TMEM164: variants seen among roughly 807,000 people sequenced by gnomAD.
TMEM164 encodes transmembrane protein 164.
Under a neutral mutation model 18.8 loss-of-function variants are expected in TMEM164, and 4 were observed. The ratio of observed to expected loss-of-function variants is 0.21; its 90% CI spans 0.10 to 0.49. The LOEUF (loss-of-function observed/expected upper bound fraction) is 0.49, where lower values mean the gene tolerates loss of function less well. TMEM164 is among the 20% of genes least tolerant of loss of function. The probability of loss-of-function intolerance (pLI) is 0.98; values close to 1 mark genes in which losing one functional copy is unlikely to be tolerated. For synonymous variants in TMEM164, 86 were observed against 101.7 expected (o/e 0.85, Z 0.93); for missense variants, 108 against 239.9 (o/e 0.45, Z 3.63).
At chrX:110,104,998 TCAGTCTGTC>T (rs1233294399) in intron 3 of TMEM164, among the ~76,000 whole-genome samples, 1 of 112,000 alleles carries the variant, frequency 8.9e-6, no homozygotes, top group African/African-American at 3.2e-5. Context: ...GTTCTGGCCT[TCAGTCTGTC>T]CATCTGCTTT....
At chrX:110,014,142 A>AATG (rs60030480) in intron 2 of TMEM164, among the ~76,000 whole-genome samples, 43,508 of 108,613 alleles carry the variant, frequency 0.4, 7,505 homozygotes, top group East Asian at 0.8. Context: ...AATACATTTA[A>AATG]ATGATGATGA....
intron 3 of TMEM164, among the ~76,000 whole-genome samples, chrX:110,091,085 A>AT (rs2065921192): frequency 9.0e-6 from 1 of 111,058 alleles, no homozygotes; most frequent in East Asian, 2.8e-4. Flanking sequence ...TATGTGCCAC[A>AT]TTTTCTTAAT....
intron 3 of TMEM164, among the ~76,000 whole-genome samples, chrX:110,080,709 A>G (rs1225835194): frequency 9.0e-6 from 1 of 111,342 alleles, no homozygotes; most frequent in Non-Finnish European, 1.9e-5. Context: ...CCAACTTTTT[A>G]TAATACACAA....
intron 5 of TMEM164, among the ~76,000 whole-genome samples, chrX:110,167,838 A>C (rs960553852): frequency 3.6e-5 from 4 of 111,712 alleles, no homozygotes; most frequent in Non-Finnish European, 7.5e-5. Context: ...GCAGCACAGA[A>C]TGAATGCTAC....
chrX:110,016,720 G>A (rs1933396188), intron 2 of TMEM164, among the ~76,000 whole-genome samples: 1 of 109,731 alleles, frequency 9.1e-6, no homozygotes, highest in Non-Finnish European at 1.9e-5. Context: ...GTAGTGGTAT[G>A]AATATGGCTC....
chrX:110,074,207 T>C (rs1268256968), intron 3 of TMEM164, among the ~76,000 whole-genome samples: 1 of 111,494 alleles, frequency 9.0e-6, no homozygotes, highest in African/African-American at 3.3e-5. Context: ...ATTTCTCTGT[T>C]AGTGATAAGA....
At chrX:110,020,580 G>A in intron 2 of TMEM164, 1 of 754,463 alleles carries the variant, frequency 1.3e-6, no homozygotes, top group Non-Finnish European at 1.6e-6. Flanking sequence ...TGAGATCCAG[G>A]AGAGGAAGGA....
chrX:110,037,937 G>C (rs895477465), intron 2 of TMEM164, among the ~76,000 whole-genome samples: 1 of 109,898 alleles, frequency 9.1e-6, no homozygotes, highest in African/African-American at 3.3e-5. Context: ...TTAGCACATG[G>C]ACTTAATCAT....
intron 2 of TMEM164, among the ~76,000 whole-genome samples, chrX:110,048,060 C>A (rs1391214562): frequency 9.0e-6 from 1 of 111,713 alleles, no homozygotes; most frequent in Non-Finnish European, 1.9e-5. Context: ...GCTCATCTCT[C>A]CAGTATCATT....
At position 110,075,921 on chromosome X, in the gene TMEM164, T is replaced by C. The variant is rs748462135; in HGVS notation, c.440+8525T>C. Among the ~76,000 whole-genome samples, 7 of 110,992 alleles carry C rather than the reference T, an allele frequency of 6.3e-5. No individual in the cohort carries two copies. In the East Asian group the frequency reaches 1.1e-3, roughly 18 times the overall value. On this transcript the variant is annotated intron_variant, in intron 3 of 6. Transcript: ENST00000372068. ...TCAGGGATATTGGCCTGTAGTTTTC[T>C]TTTTTCACTGTGTCTTTGACAGATT... is the stretch of plus-strand genomic sequence containing the variant.
chrX:110,073,676 G>T (rs1292620810), intron 3 of TMEM164, among the ~76,000 whole-genome samples: 1 of 111,675 alleles, frequency 9.0e-6, no homozygotes, highest in East Asian at 2.8e-4. Context: ...CCCAGTAATG[G>T]GATTGCTGGG....
Position 110,173,280 on chromosome X carries a change from G to A in TMEM164, c.723G>A (p.Pro241=). 1 of 1,211,064 alleles carries A rather than the reference G, an allele frequency of 8.3e-7. No homozygotes were observed. The highest frequency in any genetic ancestry group is 1.8e-5 in the South Asian group (1 of 56,910). ...TEVNLNNMLC[P]AISDPFYGPW... ...TGAATTTGAACAACATGCTGTGTCC[G>A]GCCATCTCAGACCCATTCTACGGCC... is the stretch of plus-strand genomic sequence containing the variant. The change falls in exon 7 of 7, where the codon CCG becomes CCA. Residue 241 remains proline (P), a synonymous_variant. Coordinates refer to ENST00000372068, the MANE Select transcript of TMEM164 (RefSeq NM_032227.4).
chrX:110,039,308 CT>C (rs1448934365), intron 2 of TMEM164, among the ~76,000 whole-genome samples: 1 of 112,529 alleles, frequency 8.9e-6, no homozygotes, highest in Non-Finnish European at 1.9e-5. Context: ...CTTCCTGAAG[CT>C]GAAGATATTT....
chrX:110,057,652 A>G (rs1191617361), intron 2 of TMEM164, among the ~76,000 whole-genome samples: 9 of 105,095 alleles, frequency 8.6e-5, no homozygotes, highest in African/African-American at 3.2e-4. Context: ...CCTTCCCAAT[A>G]TTGCCATCTT....
intron 5 of TMEM164, among the ~76,000 whole-genome samples, chrX:110,160,890 G>A (rs1037406802): frequency 1.8e-5 from 2 of 111,812 alleles, no homozygotes; most frequent in African/African-American, 6.5e-5. Flanking sequence ...ACAGGCATGC[G>A]TCACCATGCC....
Position 110,174,408 on chromosome X carries a change from C to T in TMEM164, c.*957C>T, listed in dbSNP as rs1402739534. 3.5e-5 allele frequency: 3 copies of T among 86,164 alleles called. No individual in the cohort carries two copies. The highest frequency in any genetic ancestry group is 1.3e-4 in the African/African-American group (3 of 23,170). 7.1% of individuals were successfully genotyped at this position (86,164 alleles called of 1,213,427 possible). ...TCCCTCCCTCTTTCCCTCTCTCAGGCAGCTTCAGGGAAGAATGAGCTGGAA... is the reference window on the plus strand; with the variant it reads ...TCCCTCCCTCTTTCCCTCTCTCAGGTAGCTTCAGGGAAGAATGAGCTGGAA... On this transcript the variant is annotated 3_prime_UTR_variant, in exon 7 of 7. Coordinates refer to ENST00000372068, the MANE Select transcript of TMEM164 (RefSeq NM_032227.4).
chrX:110,040,825 T>G (rs1935056686), intron 2 of TMEM164, among the ~76,000 whole-genome samples: 1 of 111,245 alleles, frequency 9.0e-6, no homozygotes, highest in Non-Finnish European at 1.9e-5. Context: ...ACACTAATAT[T>G]TGGGCCCTAA....
chrX:110,124,184 A>AGGCAGGAAGGC (rs1569339696), intron 4 of TMEM164, among the ~76,000 whole-genome samples: 3 of 49,073 alleles, frequency 6.1e-5, no homozygotes, highest in East Asian at 5.9e-4. Flanking sequence ...GGAAGGCAGG[A>AGGCAGGAAGGC]AGGCAGGCAG....
intron 2 of TMEM164, among the ~76,000 whole-genome samples, chrX:110,024,884 C>T (rs761595691): frequency 9.0e-6 from 1 of 111,492 alleles, no homozygotes; most frequent in Non-Finnish European, 1.9e-5. Flanking sequence ...ATCTGTGTGT[C>T]GTGAAAAGAT....
Sources: gnomAD v4.1 joint callset for allele counts (sites outside exome capture counted in the v4.1 genomes callset) on GRCh38, gnomAD v4.1.1 for gene constraint, MANE v1.5 for transcripts, NCBI Gene and HGNC (gene_info 2026-07-23, HGNC 2026-07-21) for gene names.